Variants in TRPC7 observed in about 807,000 individuals in gnomAD.
TRPC7 encodes the protein transient receptor potential cation channel subfamily C member 7, also known as short transient receptor potential channel 7.
A neutral mutation model predicts 90.1 loss-of-function variants in TRPC7; 42 were observed. The ratio of observed to expected loss-of-function variants is 0.47; its 90% CI spans 0.36 to 0.60. The LOEUF (loss-of-function observed/expected upper bound fraction) is 0.60, where lower values mean the gene tolerates loss of function less well. Ranked by LOEUF, TRPC7 falls within the 20% of genes least tolerant of loss-of-function variation. TRPC7 has a pLI of 0.00. For missense variants in TRPC7, 955 were observed against 1,112.3 expected, an observed-to-expected ratio of 0.86 and a Z score of 2.01; for synonymous variants, 451 against 436.3, an observed-to-expected ratio of 1.03 and a Z score of -0.42.
At chr5:136,299,078 G>T (rs1385375190) in intron 3 of TRPC7, among the ~76,000 whole-genome samples, 2 of 151,906 alleles carry the variant, frequency 1.3e-5, no homozygotes, top group African/African-American at 2.4e-5. Context: ...AGTTGGGGGT[G>T]GTCACCTGAG....
intron 2 of TRPC7, among the ~76,000 whole-genome samples, chr5:136,323,086 C>T (rs1279462585): frequency 6.6e-6 from 1 of 152,178 alleles, no homozygotes; most frequent in East Asian, 1.9e-4. Flanking sequence ...ATAATTGAAT[C>T]ATGGGGCGGT....
intron 2 of TRPC7, among the ~76,000 whole-genome samples, chr5:136,332,110 T>C (rs1232149229): frequency 6.6e-6 from 1 of 151,986 alleles, no homozygotes; most frequent in Non-Finnish European, 1.5e-5. Context: ...TGATTTTGAA[T>C]AGAGAGTTGA....
chr5:136,362,956 GA>G (rs1429188756), intron 1 of TRPC7, among the ~76,000 whole-genome samples: 3 of 152,144 alleles, frequency 2.0e-5, no homozygotes, highest in Non-Finnish European at 4.4e-5. Flanking sequence ...GATCATTTAA[GA>G]AGATCAGTAC....
At chr5:136,358,816 C>A (rs1214017348) in intron 1 of TRPC7, among the ~76,000 whole-genome samples, 1 of 152,156 alleles carries the variant, frequency 6.6e-6, no homozygotes, top group Non-Finnish European at 1.5e-5. Flanking sequence ...CCTGTATTTT[C>A]TATTTTTCTT....
intron 3 of TRPC7, among the ~76,000 whole-genome samples, chr5:136,299,565 C>A (rs1465042735): frequency 6.6e-6 from 1 of 151,954 alleles, no homozygotes; most frequent in Admixed American, 6.6e-5. Context: ...TTGCAAGTGA[C>A]CTTAGGCAGA....
At chr5:136,220,335 A>T (rs1429081581) in intron 10 of TRPC7, among the ~76,000 whole-genome samples, 1 of 152,198 alleles carries the variant, frequency 6.6e-6, no homozygotes, top group Non-Finnish European at 1.5e-5. Context: ...AGTAGGGAAG[A>T]TATCACTGAA....
At chr5:136,363,735 A>G (rs1013949465) in intron 1 of TRPC7, among the ~76,000 whole-genome samples, 30 of 152,296 alleles carry the variant, frequency 2.0e-4, no homozygotes, top group Non-Finnish European at 3.4e-4. Context: ...AAGTAACATC[A>G]TTTAGAGAAG....
chr5:136,272,825 A>G (rs539480068), intron 4 of TRPC7, among the ~76,000 whole-genome samples: 19 of 152,224 alleles, frequency 1.2e-4, no homozygotes, highest in African/African-American at 4.6e-4. Context: ...TGACCCCTAC[A>G]TCCCAGGTGC....
intron 5 of TRPC7, among the ~76,000 whole-genome samples, chr5:136,264,793 A>G (rs1293712211): frequency 3.9e-5 from 6 of 152,038 alleles, no homozygotes; most frequent in Non-Finnish European, 8.8e-5. Flanking sequence ...GGGTTTCACC[A>G]TGTTGATCAG....
At chr5:136,339,240 A>G (rs1335678493) in intron 2 of TRPC7, among the ~76,000 whole-genome samples, 1 of 152,188 alleles carries the variant, frequency 6.6e-6, no homozygotes, top group Non-Finnish European at 1.5e-5. Flanking sequence ...GAATTGGTTT[A>G]CAGTTTAACT....
At chr5:136,311,242 T>A (rs566810775) in intron 3 of TRPC7, among the ~76,000 whole-genome samples, 3 of 152,048 alleles carry the variant, frequency 2.0e-5, no homozygotes, top group African/African-American at 4.8e-5. Flanking sequence ...GAGGAGGGAA[T>A]GGTGTAGGGG....
intron 3 of TRPC7, among the ~76,000 whole-genome samples, chr5:136,292,716 C>A (rs1246579597): frequency 6.6e-6 from 1 of 152,112 alleles, no homozygotes; most frequent in South Asian, 2.1e-4. Flanking sequence ...ACCAGAGGTA[C>A]AAGGAGGAGC....
chr5:136,283,211 G>A (rs1262653299), intron 3 of TRPC7, among the ~76,000 whole-genome samples: 1 of 152,230 alleles, frequency 6.6e-6, no homozygotes, highest in Non-Finnish European at 1.5e-5. Context: ...ATGGTGCTGG[G>A]TGCTGGGTTC....
chr5:136,249,799 ATTG>A (rs1212717616), intron 6 of TRPC7, among the ~76,000 whole-genome samples: 1 of 152,212 alleles, frequency 6.6e-6, no homozygotes, highest in African/African-American at 2.4e-5. Flanking sequence ...AACCTGAAAA[ATTG>A]TTATCTGCGC....
At chr5:136,363,665 A>G (rs1760637042) in intron 1 of TRPC7, among the ~76,000 whole-genome samples, 1 of 152,176 alleles carries the variant, frequency 6.6e-6, no homozygotes, top group Non-Finnish European at 1.5e-5. Context: ...TTGGAATAAA[A>G]ATATTATCTA....
chr5:136,363,493 A>G (rs957669223), intron 1 of TRPC7, among the ~76,000 whole-genome samples: 1 of 152,164 alleles, frequency 6.6e-6, no homozygotes, highest in Non-Finnish European at 1.5e-5. Context: ...AAAAAAAGAT[A>G]TATACCTAAC....
chr5:136,274,544 G>A (rs1377420150), intron 4 of TRPC7, 129 bp downstream of exon 4: 9 of 1,005,680 alleles, frequency 8.9e-6, no homozygotes, highest in South Asian at 3.7e-5. Flanking sequence ...CTTTCACCGG[G>A]TATCTCAGGA....
rs138690706 is a variant in TRPC7 at position 136,251,917 on chromosome 5, G to C, written c.1346-35C>G. On this transcript the variant is annotated intron_variant, in intron 5 of 11. Coordinates refer to ENST00000513104, the MANE Select transcript of TRPC7 (RefSeq NM_020389.3). ...AAGGAGAAGGCCAGGCTCACTTTTC[G>C]TTTCTCTTGGCATTTGTGACCGCAT... 8.6e-5 allele frequency: 136 copies of C among 1,572,620 alleles called. No homozygotes were observed. The African/African-American group carries it at 1.8e-3, about 20-fold the overall frequency.
At chr5:136,269,520 G>A (rs1222425516) in intron 4 of TRPC7, among the ~76,000 whole-genome samples, 1 of 152,166 alleles carries the variant, frequency 6.6e-6, no homozygotes, top group Non-Finnish European at 1.5e-5. Flanking sequence ...CTGTGATTGT[G>A]GTAGATCACT....
Sources: gnomAD v4.1 joint callset for allele counts (sites outside exome capture counted in the v4.1 genomes callset) on GRCh38, gnomAD v4.1.1 for gene constraint, MANE v1.5 for transcripts, NCBI Gene and HGNC (gene_info 2026-07-23, HGNC 2026-07-21) for gene names.